Variants in ADAMTS18 observed in about 807,000 individuals in gnomAD.
ADAMTS18 encodes the protein A disintegrin and metalloproteinase with thrombospondin motifs 18.
In ADAMTS18, 157 loss-of-function variants were observed where a neutral mutation model predicts 165.9. The observed-to-expected ratio is 0.95, with a 90% CI of 0.83 to 1.08. The LOEUF is 1.08. ADAMTS18 is among the 50% of genes least tolerant of loss of function. The probability of loss-of-function intolerance (pLI) is 0.00; values close to 1 mark genes in which losing one functional copy is unlikely to be tolerated. For missense variants in ADAMTS18, 2,040 were observed against 1,534.0 expected (o/e 1.33, Z -5.51); for synonymous variants, 782 against 578.2 (o/e 1.35, Z -5.06).
At chr16:77,392,032 G>A (rs1169325477) in intron 3 of ADAMTS18, among the ~76,000 whole-genome samples, 1 of 151,978 alleles carries the variant, frequency 6.6e-6, no homozygotes, top group Non-Finnish European at 1.5e-5. Flanking sequence ...TCTCCACATT[G>A]AAGACGCCCA....
chr16:77,412,859 G>T (rs188000189), intron 3 of ADAMTS18, among the ~76,000 whole-genome samples: 3 of 151,958 alleles, frequency 2.0e-5, no homozygotes, highest in African/African-American at 7.3e-5. Context: ...GTGAGATTTG[G>T]GTGGGGATAC....
chr16:77,288,921 C>T (rs1352556323), intron 22 of ADAMTS18, among the ~76,000 whole-genome samples: 1 of 152,114 alleles, frequency 6.6e-6, no homozygotes, highest in Non-Finnish European at 1.5e-5. Context: ...CCTGTCTCTA[C>T]TAAAAATTCA....
At chr16:77,390,181 G>A (rs1362900513) in intron 3 of ADAMTS18, among the ~76,000 whole-genome samples, 1 of 152,064 alleles carries the variant, frequency 6.6e-6, no homozygotes, top group African/African-American at 2.4e-5. Flanking sequence ...CTATTGCCTG[G>A]GTTTCTGCAA....
intron 12 of ADAMTS18, among the ~76,000 whole-genome samples, chr16:77,326,560 T>A (rs1167819956): frequency 2.0e-5 from 3 of 152,056 alleles, no homozygotes; most frequent in Non-Finnish European, 4.4e-5. Flanking sequence ...TTCTTGTACT[T>A]TTTGTTGAGA....
Position 77,387,989 on chromosome 16 carries a change from T to C in ADAMTS18, c.496-20266A>G, listed in dbSNP as rs150746378. ...CCAACCCCCATCCTTTACTGCTTCCTAGGATGGCAGAGCTTTCCACTGTTC... is the reference window on the plus strand; with the variant it reads ...CCAACCCCCATCCTTTACTGCTTCCCAGGATGGCAGAGCTTTCCACTGTTC... On this transcript the variant is annotated intron_variant, in intron 3 of 22. Coordinates refer to ENST00000282849, the MANE Select transcript of ADAMTS18 (RefSeq NM_199355.4). Among the ~76,000 whole-genome samples the C allele has an allele frequency of 3.9e-3, 588 of 152,298 alleles. 2 individuals are homozygous for C. Among genetic ancestry groups the C allele is most frequent in the Non-Finnish European group, 5.9e-3 (402 of 68,000 alleles).
At chr16:77,329,907 C>T (rs758371244) in intron 12 of ADAMTS18, among the ~76,000 whole-genome samples, 1 of 152,082 alleles carries the variant, frequency 6.6e-6, no homozygotes, top group Non-Finnish European at 1.5e-5. Flanking sequence ...AAAGAGCATA[C>T]CATCATTTGC....
intron 22 of ADAMTS18, among the ~76,000 whole-genome samples, chr16:77,288,484 C>CTTCAAATAGT (rs1489405811): frequency 2.0e-5 from 3 of 151,962 alleles, no homozygotes; most frequent in Non-Finnish European, 4.4e-5. Context: ...TGTCAGATTA[C>CTTCAAATAGT]TTCAAATAGT....
intron 3 of ADAMTS18, among the ~76,000 whole-genome samples, chr16:77,424,612 G>C (rs771669608): frequency 1.4e-4 from 21 of 152,126 alleles, no homozygotes; most frequent in Admixed American, 3.3e-4. Context: ...AAAGAAGTTT[G>C]ATCTGGCATT....
intron 16 of ADAMTS18, among the ~76,000 whole-genome samples, chr16:77,307,615 C>G (rs1296830389): frequency 6.6e-6 from 1 of 152,212 alleles, no homozygotes; most frequent in Non-Finnish European, 1.5e-5. Flanking sequence ...AAATGGCAAT[C>G]TCTAGACAAA....
At chr16:77,290,138 A>ATGCATATGTAC in intron 21 of ADAMTS18, among the ~76,000 whole-genome samples, 1 of 152,240 alleles carries the variant, frequency 6.6e-6, no homozygotes, top group African/African-American at 2.4e-5. Flanking sequence ...TCTCAATTAA[A>ATGCATATGTAC]ATTTAAGGGC....
At chr16:77,373,895 T>C (rs189476449) in intron 3 of ADAMTS18, among the ~76,000 whole-genome samples, 132 of 152,256 alleles carry the variant, frequency 8.7e-4, no homozygotes, top group Admixed American at 4.9e-3. Flanking sequence ...GTATCTCTGA[T>C]GCATGCCACT....
At chr16:77,322,778 G>A (rs1449454325) in intron 13 of ADAMTS18, among the ~76,000 whole-genome samples, 2 of 152,114 alleles carry the variant, frequency 1.3e-5, no homozygotes, top group African/African-American at 2.4e-5. Flanking sequence ...AGGTTTCAAA[G>A]GCCTGATGGT....
intron 3 of ADAMTS18, among the ~76,000 whole-genome samples, chr16:77,398,926 C>G (rs1178477134): frequency 6.6e-6 from 1 of 152,144 alleles, no homozygotes; most frequent in East Asian, 1.9e-4. Flanking sequence ...CATAGGGTAG[C>G]TGCTGCAGGG....
At chr16:77,426,740 G>T (rs942948075) in intron 3 of ADAMTS18, among the ~76,000 whole-genome samples, 1 of 152,154 alleles carries the variant, frequency 6.6e-6, no homozygotes, top group Non-Finnish European at 1.5e-5. Flanking sequence ...AAAAGGATAG[G>T]GTGGGGTGTG....
intron 10 of ADAMTS18, among the ~76,000 whole-genome samples, chr16:77,353,176 A>T (rs2056580592): frequency 6.6e-6 from 1 of 152,212 alleles, no homozygotes. Flanking sequence ...ACCAAGTGTA[A>T]CAACGTGTCT....
At chr16:77,329,469 C>A (rs1013496239) in intron 12 of ADAMTS18, among the ~76,000 whole-genome samples, 1 of 152,140 alleles carries the variant, frequency 6.6e-6, no homozygotes, top group African/African-American at 2.4e-5. Context: ...CTTATTTAAC[C>A]TCCTCATTTG....
At position 77,314,753 on chromosome 16, in the gene ADAMTS18, C is replaced by CATATATATAT. The variant is rs36191323; in HGVS notation, c.2532+5086_2532+5095dup. ...GTTTGCTAAATATGGTCTCAGGTTT[C>CATATATATAT]ATATATATATATATATATATATATA... On this transcript the variant is annotated intron_variant, in intron 16 of 22. Transcript: ENST00000282849. Among the ~76,000 whole-genome samples the CATATATATAT allele has an allele frequency of 1.7e-3, 62 of 36,904 alleles. 5 individuals are homozygous for CATATATATAT. The highest frequency in any genetic ancestry group is 0.016 in the Middle Eastern group (1 of 62). The allele number at this position is 36,904 out of a possible 152,430, so 24.2% of individuals were successfully genotyped here.
At chr16:77,378,609 G>C (rs1444833340) in intron 3 of ADAMTS18, among the ~76,000 whole-genome samples, 6 of 152,026 alleles carry the variant, frequency 3.9e-5, no homozygotes, top group East Asian at 1.9e-4. Context: ...CAGCTACTTG[G>C]GAGGTTGAGG....
At chr16:77,352,283 G>C (rs1200509098) in intron 10 of ADAMTS18, among the ~76,000 whole-genome samples, 4 of 127,682 alleles carry the variant, frequency 3.1e-5, no homozygotes, top group Non-Finnish European at 5.0e-5. Context: ...TAATAATATA[G>C]AGATAACACA....
Sources: gnomAD v4.1 joint callset for allele counts (sites outside exome capture counted in the v4.1 genomes callset) on GRCh38, gnomAD v4.1.1 for gene constraint, MANE v1.5 for transcripts, NCBI Gene and HGNC (gene_info 2026-07-23, HGNC 2026-07-21) for gene names.